Variants in ABCG2 observed in about 807,000 individuals in gnomAD.
ABCG2 encodes the protein broad substrate specificity ATP-binding cassette transporter ABCG2.
Under a neutral mutation model 73.5 loss-of-function variants are expected in ABCG2, and 80 were observed. The ratio of observed to expected loss-of-function variants is 1.09; its 90% CI spans 0.91 to 1.31. The LOEUF is 1.31. ABCG2 is among the 50% of genes most tolerant of loss of function. The pLI is 0.00. For synonymous variants in ABCG2, 269 were observed against 282.4 expected, an observed-to-expected ratio of 0.95 and a Z score of 0.48; for missense variants, 796 against 786.2, an observed-to-expected ratio of 1.01 and a Z score of -0.15.
chr4:88,202,623 C>T (rs1729229681), intron 1 of ABCG2, among the ~76,000 whole-genome samples: 1 of 151,888 alleles, frequency 6.6e-6, no homozygotes, highest in Non-Finnish European at 1.5e-5. Flanking sequence ...GGCTCCTCCC[C>T]ACTGCAAAGG....
intron 1 of ABCG2, among the ~76,000 whole-genome samples, chr4:88,188,291 T>C (rs1728548525): frequency 6.6e-6 from 1 of 152,196 alleles, no homozygotes; most frequent in Admixed American, 6.5e-5. Context: ...TGCCCGCATA[T>C]GCAAAGGTTT....
At chr4:88,169,483 T>G (rs1331868659) in intron 1 of ABCG2, among the ~76,000 whole-genome samples, 1 of 152,190 alleles carries the variant, frequency 6.6e-6, no homozygotes, top group East Asian at 1.9e-4. Context: ...TGTAATTTAT[T>G]TATCTACTTT....
At chr4:88,125,607 CAAAAAAAAAAAAAA>C (rs70957302) in intron 5 of ABCG2, among the ~76,000 whole-genome samples, 13 of 34,982 alleles carry the variant, frequency 3.7e-4, no homozygotes, top group Middle Eastern at 0.045. Context: ...GACTCTGTCT[CAAAAAAAAAAAAAA>C]AAAAAAAAAA....
At chr4:88,201,224 AAAG>A (rs1729152448) in intron 1 of ABCG2, among the ~76,000 whole-genome samples, 2 of 151,500 alleles carry the variant, frequency 1.3e-5, no homozygotes, top group Admixed American at 1.3e-4. Flanking sequence ...AAAAAAAAAA[AAAG>A]AGAGAGGACA....
intron 5 of ABCG2, among the ~76,000 whole-genome samples, chr4:88,129,637 A>G (rs1337937772): frequency 6.6e-6 from 1 of 152,220 alleles, no homozygotes; most frequent in Non-Finnish European, 1.5e-5. Context: ...CAAACAAAAT[A>G]CAGTAAAACA....
intron 12 of ABCG2, among the ~76,000 whole-genome samples, chr4:88,099,035 G>C (rs555190832): frequency 6.6e-6 from 1 of 152,260 alleles, no homozygotes; most frequent in African/African-American, 2.4e-5. Flanking sequence ...GGTTGAGGCT[G>C]CAGTGAGATA....
At chr4:88,219,376 T>TA (rs1729926475) in intron 1 of ABCG2, among the ~76,000 whole-genome samples, 3 of 152,060 alleles carry the variant, frequency 2.0e-5, no homozygotes, top group Non-Finnish European at 4.4e-5. Context: ...ATAGCACGTA[T>TA]AAAAAAGGTA....
intron 1 of ABCG2, among the ~76,000 whole-genome samples, chr4:88,186,910 C>T (rs1421986083): frequency 1.2e-5 from 1 of 85,564 alleles, no homozygotes; most frequent in African/African-American, 5.2e-5. Flanking sequence ...CAGAGCGAGA[C>T]TCCGTCTCAA....
At chr4:88,209,090 A>C (rs1729487205) in intron 1 of ABCG2, among the ~76,000 whole-genome samples, 4 of 152,132 alleles carry the variant, frequency 2.6e-5, no homozygotes, top group African/African-American at 7.2e-5. Flanking sequence ...AGGCAGTCGG[A>C]TCACCTGAGG....
chr4:88,113,480 G>A lies in ABCG2; in HGVS notation c.1017C>T (p.Ser339=). 6.2e-7 allele frequency: 1 copy of A among 1,614,118 alleles called. No homozygotes were observed. The highest frequency in any genetic ancestry group is 8.5e-7 in the Non-Finnish European group (1 of 1,180,030). ...CAGCTTTTGTCTCTTTGTAGAAGGA[G>A]GAGTTGACATAAATCTCCGCTAATT... ...IEKLAEIYVN[S]SFYKETKAEL... Residue 339 remains serine, a synonymous_variant, in exon 9 of 16, where the codon TCC becomes TCT. Transcript: ENST00000237612.
intron 2 of ABCG2, among the ~76,000 whole-genome samples, chr4:88,135,035 G>A (rs72875335): frequency 0.11 from 16,537 of 152,168 alleles, 2,320 homozygotes; most frequent in African/African-American, 0.33. Context: ...ATTACCTAGG[G>A]CTGCTTTCAT....
At chr4:88,137,062 A>AAATAAAATAAAAT (rs1560703016) in intron 2 of ABCG2, among the ~76,000 whole-genome samples, 2 of 150,034 alleles carry the variant, frequency 1.3e-5, no homozygotes, top group South Asian at 2.1e-4. Context: ...AAATAAAATA[A>AAATAAAATAAAAT]GAATGAGGAG....
At chr4:88,154,341 G>A (rs934909471) in intron 1 of ABCG2, among the ~76,000 whole-genome samples, 1 of 152,210 alleles carries the variant, frequency 6.6e-6, no homozygotes, top group Admixed American at 6.5e-5. Context: ...GGACCCTTGT[G>A]TAGTGAGGAA....
intron 1 of ABCG2, among the ~76,000 whole-genome samples, chr4:88,193,787 C>T (rs1434099359): frequency 6.6e-6 from 1 of 152,084 alleles, no homozygotes; most frequent in Non-Finnish European, 1.5e-5. Flanking sequence ...CTCTGTTGCC[C>T]AGGCTGGAGT....
Position 88,115,279 on chromosome 4 carries a change from TA to T in ABCG2, c.842-222del, listed in dbSNP as rs1293032981. Among the ~76,000 whole-genome samples the T allele has an allele frequency of 2.2e-4, 26 of 117,688 alleles. 3 individuals carry two copies. Among genetic ancestry groups the T allele is most frequent in the African/African-American group, 4.9e-4 (17 of 34,992 alleles). 77.2% of individuals were successfully genotyped at this position (117,688 alleles called of 152,430 possible). ...CTCTATATATATATATATATATATATATATAATTTATTTATTTATTTTGAGA... is the reference window on the plus strand; with the variant it reads ...CTCTATATATATATATATATATATATTATAATTTATTTATTTATTTTGAGA... On this transcript the variant is annotated intron_variant, in intron 7 of 15. Transcript: ENST00000237612.
upstream of ABCG2, among the ~76,000 whole-genome samples, chr4:88,159,999 T>C (rs1449532198): frequency 1.3e-5 from 2 of 152,078 alleles, no homozygotes; most frequent in African/African-American, 4.8e-5. Flanking sequence ...TCCCAGCACT[T>C]TGGGAGGCTG....
intron 1 of ABCG2, among the ~76,000 whole-genome samples, chr4:88,219,744 G>C (rs1729944535): frequency 2.5e-5 from 3 of 121,908 alleles, no homozygotes; most frequent in Admixed American, 9.3e-5. Context: ...GCCACGCCTG[G>C]CTATTTTTTT....
At chr4:88,105,980 C>G (rs1398046226) in intron 10 of ABCG2, among the ~76,000 whole-genome samples, 1 of 152,026 alleles carries the variant, frequency 6.6e-6, no homozygotes, top group Non-Finnish European at 1.5e-5. Context: ...AAACTGGAAC[C>G]CTTGTGCACT....
At position 88,092,149 on chromosome 4, in the gene ABCG2, AAAC is replaced by A. The variant is rs1721676667; in HGVS notation, c.*82_*84del. ...AACAGTGTGATGGCAAGGGAACAGA[AAAC>A]AACAAAAAAACTTGATTGAATACTT... On this transcript the variant is annotated 3_prime_UTR_variant, in exon 16 of 16. Transcript: ENST00000237612. The A allele has an allele frequency of 7.6e-6, 10 of 1,315,754 alleles. No homozygotes were observed. In the Admixed American group the frequency reaches 2.2e-4, roughly 29 times the overall value. 81.5% of individuals were successfully genotyped at this position (1,315,754 alleles called of 1,614,324 possible).
Sources: allele counts gnomAD v4.1 joint callset (sites outside exome capture counted in the v4.1 genomes callset), GRCh38; gene constraint gnomAD v4.1.1; transcripts MANE v1.5; gene names NCBI Gene and HGNC (gene_info 2026-07-23, HGNC 2026-07-21).